The following EPS15L1 variants were observed in gnomAD, a reference collection of about 807,000 sequenced individuals.
The protein encoded by EPS15L1 is epidermal growth factor receptor pathway substrate 15 like 1.
EPS15L1 carries 43 observed loss-of-function variants against 117.1 expected under a neutral mutation model. That is an observed-to-expected ratio of 0.37 (90% CI 0.29 to 0.47). The LOEUF is 0.47. Among genes scored for constraint, EPS15L1 ranks in the 20% least tolerant of loss-of-function variants. EPS15L1 has a pLI of 0.99. For synonymous variants in EPS15L1, 459 were observed against 470.5 expected (o/e 0.98, Z 0.32); for missense variants, 981 against 1,164.0 (o/e 0.84, Z 2.29).
chr19:16,409,690 C>A (rs900121199), intron 13 of EPS15L1, among the ~76,000 whole-genome samples: 2 of 152,168 alleles, frequency 1.3e-5, no homozygotes, highest in South Asian at 4.1e-4. Flanking sequence ...GTAATCCCAG[C>A]ACTTTGGGAG....
chr19:16,357,876 T>C (rs1353858426), intron 23 of EPS15L1: 1 of 152,168 alleles, frequency 6.6e-6, no homozygotes, highest in African/African-American at 2.4e-5. Context: ...CCCGCCCCAG[T>C]TTGGGGAATT....
At chr19:16,413,588 A>C in intron 13 of EPS15L1, 185 bp downstream of exon 13, 1 of 751,944 alleles carries the variant, frequency 1.3e-6, no homozygotes. Context: ...GTTTTTATAC[A>C]AGAAAAATAA....
chr19:16,385,055 C>G, intron 21 of EPS15L1, 74 bp downstream of exon 21: 1 of 1,171,446 alleles, frequency 8.5e-7, no homozygotes, highest in Non-Finnish European at 1.3e-6. Flanking sequence ...AACAATTACG[C>G]CTGGCAGCCC....
rs2093038700 is a variant in EPS15L1 at position 16,442,204 on chromosome 19, A to C, written c.49T>G (p.Ser17Ala). Residue 17 changes from serine (S) to alanine (A), a missense_variant, in exon 2 of 24, where the codon TCG becomes GCG. Physicochemically the swap from Ser to Ala is moderately conservative, Grantham distance 99. Transcript: ENST00000455140. ...TGCTTGTAATAAGATTCATACAACG[A>C]ATTTCCAGTGGGAATCTGTAAATGA... ...PLSQQIPTGN[S>A]LYESYYKQVD... The C allele has an allele frequency of 6.2e-7, 1 of 1,613,732 alleles. No homozygotes were observed. The highest frequency in any genetic ancestry group is 8.5e-7 in the Non-Finnish European group (1 of 1,179,648).
intron 16 of EPS15L1, chr19:16,400,537 C>T (rs1375008892): frequency 6.1e-6 from 4 of 650,524 alleles, no homozygotes; most frequent in East Asian, 1.4e-4. Flanking sequence ...ACTAAGACAC[C>T]TCTCTCTCGG....
intron 1 of EPS15L1, among the ~76,000 whole-genome samples, chr19:16,460,033 T>C (rs541713787): frequency 3.3e-5 from 5 of 152,188 alleles, no homozygotes; most frequent in Non-Finnish European, 7.3e-5. Context: ...CCCAACACTT[T>C]GGAGATTAAG....
At chr19:16,380,729 G>A (rs73931908) in intron 21 of EPS15L1, among the ~76,000 whole-genome samples, 2,962 of 152,284 alleles carry the variant, frequency 0.019, 103 homozygotes, top group African/African-American at 0.068. Context: ...ACACAGATGC[G>A]ACTCTCTAGG....
At chr19:16,392,473 A>T (rs759817887) in intron 18 of EPS15L1, 33 bp from the exon 19 acceptor site, 2 of 1,598,222 alleles carry the variant, frequency 1.3e-6, no homozygotes, top group African/African-American at 2.7e-5. Context: ...AGTAAACATT[A>T]TACCAAGTGA....
chr19:16,414,285 C>G (rs550288033), intron 12 of EPS15L1, among the ~76,000 whole-genome samples: 25 of 152,170 alleles, frequency 1.6e-4, no homozygotes, highest in African/African-American at 6.0e-4. Context: ...CTGCCAACAC[C>G]TGAATGAGCC....
At chr19:16,397,093 CT>C (rs1010499858) in intron 16 of EPS15L1, among the ~76,000 whole-genome samples, 32 of 147,690 alleles carry the variant, frequency 2.2e-4, no homozygotes, top group East Asian at 3.9e-4. Context: ...TTCTTTCTTT[CT>C]TTTTTTTTTT....
At chr19:16,401,350 G>A (rs1445898364) in intron 16 of EPS15L1, 15 of 985,316 alleles carry the variant, frequency 1.5e-5, no homozygotes, top group Non-Finnish European at 6.0e-6. Flanking sequence ...AACATAAAGA[G>A]GCAAGTGTGG....
chr19:16,404,810 C>A lies in EPS15L1; in HGVS notation c.1267-61G>T. On this transcript the variant is annotated intron_variant, in intron 13 of 23. Transcript: ENST00000455140. The surrounding 1 kb of genome is among the most constrained non-coding windows in gnomAD (Gnocchi z 4.2). ...GAAAAATGAAGCATGTCCAAGATAA[C>A]GGGGGGCAGCCTGGGCCAGAAGTCC... is the stretch of plus-strand genomic sequence containing the variant. The A allele has an allele frequency of 1.3e-6, 2 of 1,580,666 alleles. No individual in the cohort carries two copies.
At chr19:16,444,886 C>T (rs1303206877) in intron 1 of EPS15L1, among the ~76,000 whole-genome samples, 3 of 152,080 alleles carry the variant, frequency 2.0e-5, no homozygotes, top group South Asian at 2.1e-4. Context: ...GCCACCATGC[C>T]CACTTAATTT....
intron 7 of EPS15L1, 135 bp from the exon 8 acceptor site, chr19:16,428,896 C>G: frequency 1.5e-6 from 1 of 664,446 alleles, no homozygotes; most frequent in Non-Finnish European, 2.7e-6. Flanking sequence ...CATTTCAGGA[C>G]CAGTCCGCGA....
intron 1 of EPS15L1, among the ~76,000 whole-genome samples, chr19:16,462,800 G>A (rs993350957): frequency 1.3e-5 from 2 of 152,218 alleles, no homozygotes; most frequent in East Asian, 1.9e-4. Context: ...ACTGGTCCAC[G>A]CAGTGTACAG....
chr19:16,467,274 G>A (rs1289627464), intron 1 of EPS15L1, among the ~76,000 whole-genome samples: 3 of 151,674 alleles, frequency 2.0e-5, no homozygotes, highest in South Asian at 4.2e-4. Context: ...TCAGGGTCCC[G>A]AGTGGCCGGG....
In EPS15L1 at chr19:16,355,436, G is replaced by T; in HGVS notation, c.*269C>A. Reference sequence around the variant, plus strand: ...ACTGACCGCTGTGTGTTCGTCCCCAGAGGAAGAGCGGGAGGCAGTCAGCCC... The same window carrying T: ...ACTGACCGCTGTGTGTTCGTCCCCATAGGAAGAGCGGGAGGCAGTCAGCCC... On this transcript the variant is annotated 3_prime_UTR_variant, in exon 24 of 24. Coordinates refer to ENST00000455140, the MANE Select transcript of EPS15L1 (RefSeq NM_001258374.3). 2.3e-6 allele frequency: 1 copy of T among 438,870 alleles called. No homozygotes were observed. The highest frequency in any genetic ancestry group is 3.4e-5 in the East Asian group (1 of 29,270). The allele number at this position is 438,870 out of a possible 1,614,324, so 27.2% of individuals were successfully genotyped here.
intron 13 of EPS15L1, among the ~76,000 whole-genome samples, chr19:16,411,293 G>C (rs1312166491): frequency 6.6e-6 from 1 of 152,210 alleles, no homozygotes; most frequent in Non-Finnish European, 1.5e-5. Context: ...CCAGGGGCTG[G>C]AGAAAGGGGA....
chr19:16,368,804 T>C (rs974649503), intron 22 of EPS15L1, among the ~76,000 whole-genome samples: 1 of 152,296 alleles, frequency 6.6e-6, no homozygotes, highest in South Asian at 2.1e-4. Context: ...TCATTCACCC[T>C]ACACAACAGG....
Sources: allele counts gnomAD v4.1 joint callset (sites outside exome capture counted in the v4.1 genomes callset), GRCh38; gene constraint gnomAD v4.1.1; non-coding constraint Gnocchi (gnomAD v3.1); transcripts MANE v1.5; gene names NCBI Gene and HGNC (gene_info 2026-07-23, HGNC 2026-07-21).